Variants in ARHGAP6 observed in about 807,000 individuals in gnomAD.
The protein encoded by ARHGAP6 is rho GTPase-activating protein 6.
In ARHGAP6, 16 loss-of-function variants were observed where a neutral mutation model predicts 55.7. That is an observed-to-expected ratio of 0.29 (90% CI 0.19 to 0.44). The LOEUF (loss-of-function observed/expected upper bound fraction) is 0.44. ARHGAP6 is among the 20% of genes least tolerant of loss of function. The pLI, the probability that ARHGAP6 is intolerant of heterozygous loss-of-function variation, is 1.00. For missense variants in ARHGAP6, 698 were observed against 808.9 expected (o/e 0.86, Z 1.66); for synonymous variants, 382 against 360.9 (o/e 1.06, Z -0.66).
chrX:11,284,283 T>C (rs1245856411), intron 1 of ARHGAP6, among the ~76,000 whole-genome samples: 1 of 112,110 alleles, frequency 8.9e-6, no homozygotes, highest in African/African-American at 3.2e-5. Flanking sequence ...GCTGACAATG[T>C]GCATTTCTAA....
chrX:11,601,310 G>C (rs974629822), intron 1 of ARHGAP6, among the ~76,000 whole-genome samples: 2 of 111,461 alleles, frequency 1.8e-5, no homozygotes, highest in Admixed American at 9.5e-5. Context: ...TGATCCAAAA[G>C]AGCAGTGGTG....
intron 1 of ARHGAP6, among the ~76,000 whole-genome samples, chrX:11,446,099 T>C (rs1388315312): frequency 8.9e-6 from 1 of 112,130 alleles, no homozygotes; most frequent in Admixed American, 9.5e-5. Context: ...TAAACTAACT[T>C]ATTGAAAAGT....
chrX:11,259,575 G>A lies in ARHGAP6; in HGVS notation c.589-4868C>T, dbSNP rs1359967367. Among the ~76,000 whole-genome samples, 3 of 112,187 alleles carry A rather than the reference G, an allele frequency of 2.7e-5. No individual in the cohort carries two copies. The Admixed American group carries it at 2.8e-4, about 11-fold the overall frequency. Reference sequence around the variant, plus strand: ...AAAGAAAGATACAAATCTACCAAGGGAAAGAAAGCTATTTCTATGACAGTC... The same window carrying A: ...AAAGAAAGATACAAATCTACCAAGGAAAAGAAAGCTATTTCTATGACAGTC... On this transcript the variant is annotated intron_variant, in intron 1 of 12. Transcript: ENST00000337414.
intron 1 of ARHGAP6, among the ~76,000 whole-genome samples, chrX:11,550,998 G>C (rs1310691326): frequency 9.0e-6 from 1 of 111,400 alleles, no homozygotes; most frequent in Non-Finnish European, 1.9e-5. Context: ...AATTCTTTAG[G>C]GGGCATTGAG....
chrX:11,174,573 C>CTTTCTTTTT lies in ARHGAP6; in HGVS notation c.1629+3526_1629+3527insAAAAAGAAA, dbSNP rs1555964685. ...TCCTTCCTTCCTTCCTTCCTTCCTT[C>CTTTCTTTTT]CTTTCTTTCTTTCTTTCTTTTTCTT... is the stretch of plus-strand genomic sequence containing the variant. On this transcript the variant is annotated intron_variant, in intron 8 of 12. Coordinates refer to ENST00000337414, the MANE Select transcript of ARHGAP6 (RefSeq NM_013427.3). 3.5e-3 allele frequency among the ~76,000 whole-genome samples: 146 copies of CTTTCTTTTT among 42,232 alleles called. 2 individuals are homozygous for CTTTCTTTTT. The highest frequency in any genetic ancestry group is 5.8e-3 in the African/African-American group (60 of 10,355). 36.7% of individuals were successfully genotyped at this position (42,232 alleles called of 115,157 possible).
chrX:11,390,158 T>C (rs1346943182), intron 1 of ARHGAP6, among the ~76,000 whole-genome samples: 1 of 112,038 alleles, frequency 8.9e-6, no homozygotes, highest in East Asian at 2.8e-4. Context: ...TAGCCAATTT[T>C]CCCAGCACCA....
chrX:11,616,672 T>C (rs747795639), intron 1 of ARHGAP6, among the ~76,000 whole-genome samples: 1 of 111,923 alleles, frequency 8.9e-6, no homozygotes, highest in East Asian at 2.8e-4. Context: ...CATTCCTTCA[T>C]AGCAACACAA....
At chrX:11,575,075 C>T (rs1053285415) in intron 1 of ARHGAP6, among the ~76,000 whole-genome samples, 4 of 111,801 alleles carry the variant, frequency 3.6e-5, no homozygotes, top group African/African-American at 6.5e-5. Context: ...TCCTCACCTC[C>T]CTTGTAGGTA....
intron 1 of ARHGAP6, among the ~76,000 whole-genome samples, chrX:11,387,644 C>A (rs2049345888): frequency 9.0e-6 from 1 of 111,419 alleles, no homozygotes; most frequent in African/African-American, 3.3e-5. Flanking sequence ...TGTTGGTGTG[C>A]TGCCCCCATT....
chrX:11,321,088 A>T (rs1311375569), intron 1 of ARHGAP6, among the ~76,000 whole-genome samples: 1 of 112,060 alleles, frequency 8.9e-6, no homozygotes, highest in Non-Finnish European at 1.9e-5. Flanking sequence ...ATTTTGCAAA[A>T]GAGACAGCTC....
At chrX:11,440,507 A>T (rs1172024349) in intron 1 of ARHGAP6, among the ~76,000 whole-genome samples, 2 of 110,373 alleles carry the variant, frequency 1.8e-5, no homozygotes, top group African/African-American at 6.6e-5. Flanking sequence ...TTCCTCTGTC[A>T]CCTCCCTTCC....
chrX:11,629,700 C>T (rs2052339465), intron 1 of ARHGAP6, among the ~76,000 whole-genome samples: 1 of 110,687 alleles, frequency 9.0e-6, no homozygotes, highest in Non-Finnish European at 1.9e-5. Context: ...AGGAATAAGC[C>T]GCTCCCCAAG....
At chrX:11,399,925 A>G (rs1486685915) in intron 1 of ARHGAP6, among the ~76,000 whole-genome samples, 1 of 112,532 alleles carries the variant, frequency 8.9e-6, no homozygotes, top group Admixed American at 9.4e-5. Flanking sequence ...CATGTACAAC[A>G]TAGATGAGCC....
At chrX:11,164,511 A>T (rs1255614171) in intron 9 of ARHGAP6, among the ~76,000 whole-genome samples, 1 of 112,291 alleles carries the variant, frequency 8.9e-6, no homozygotes, top group Non-Finnish European at 1.9e-5. Flanking sequence ...GGCTTTAAGA[A>T]AATGCGATTT....
intron 3 of ARHGAP6, among the ~76,000 whole-genome samples, chrX:11,189,486 G>A (rs778509887): frequency 8.9e-6 from 1 of 112,165 alleles, no homozygotes; most frequent in African/African-American, 3.2e-5. Context: ...CCCAGTAAGA[G>A]TTAGCATGTG....
In ARHGAP6 at chrX:11,590,786, GA is replaced by G. The variant is rs1246029489; in HGVS notation, c.588+73454del. Among the ~76,000 whole-genome samples, 15 of 18,022 alleles carry G rather than the reference GA, an allele frequency of 8.3e-4. 1 individual carries two copies. Among genetic ancestry groups the G allele is most frequent in the African/African-American group, 3.7e-3 (11 of 2,967 alleles). 15.6% of individuals were successfully genotyped at this position (18,022 alleles called of 115,157 possible). A position where few individuals can be genotyped will look rare whatever the true frequency, so the allele number is the denominator to read the frequency against. On this transcript the variant is annotated intron_variant, in intron 1 of 12. Coordinates refer to ENST00000337414, the MANE Select transcript of ARHGAP6 (RefSeq NM_013427.3). ...GTGAGACTCCATCTCGAAAAGAAAA[GA>G]AAAGAAAAGAAAAGAAAAGAAAAGA...
chrX:11,209,250 T>C (rs1230960125), intron 2 of ARHGAP6, among the ~76,000 whole-genome samples: 1 of 112,178 alleles, frequency 8.9e-6, no homozygotes, highest in Non-Finnish European at 1.9e-5. Context: ...CAAGTGATTC[T>C]TGTGCCTCAG....
At chrX:11,529,152 T>C (rs1267202244) in intron 1 of ARHGAP6, among the ~76,000 whole-genome samples, 15 of 111,772 alleles carry the variant, frequency 1.3e-4, no homozygotes, top group Non-Finnish European at 2.8e-4. Context: ...TAGTAAGTGC[T>C]TGATAAATGC....
chrX:11,570,093 T>C (rs1042520673), intron 1 of ARHGAP6, among the ~76,000 whole-genome samples: 1 of 111,677 alleles, frequency 9.0e-6, no homozygotes, highest in African/African-American at 3.3e-5. Flanking sequence ...GAAGGGCAGG[T>C]TGAGAGGATG....
Sources: allele counts gnomAD v4.1 joint callset (sites outside exome capture counted in the v4.1 genomes callset), GRCh38; gene constraint gnomAD v4.1.1; transcripts MANE v1.5; gene names NCBI Gene and HGNC (gene_info 2026-07-23, HGNC 2026-07-21).